The following C11orf65 variants were observed in gnomAD, a reference collection of about 807,000 sequenced individuals.
The protein encoded by C11orf65 is chromosome 11 open reading frame 65.
Under a neutral mutation model 35.3 loss-of-function variants are expected in C11orf65, and 38 were observed. The ratio of observed to expected loss-of-function variants is 1.08; its 90% confidence interval spans 0.83 to 1.41. The LOEUF is 1.41. Ranked by LOEUF, C11orf65 falls within the 40% of genes most tolerant of loss-of-function variation. The probability of loss-of-function intolerance (pLI) is 0.00; values close to 1 mark genes in which losing one functional copy is unlikely to be tolerated. For missense variants in C11orf65, 370 were observed against 367.1 expected (o/e 1.01, Z -0.06); for synonymous variants, 105 against 114.4 (o/e 0.92, Z 0.53).
chr11:108,439,111 A>C (rs1207563314), intron 2 of C11orf65, among the ~76,000 whole-genome samples: 2 of 152,244 alleles, frequency 1.3e-5, no homozygotes, highest in Non-Finnish European at 2.9e-5. Context: ...TCTTCGAAAC[A>C]TAAAGAACTG....
At chr11:108,400,723 G>A (rs982752103) in intron 6 of C11orf65, among the ~76,000 whole-genome samples, 1 of 152,154 alleles carries the variant, frequency 6.6e-6, no homozygotes, top group South Asian at 2.1e-4. Context: ...ATTAGTCCCA[G>A]TGAACTAAAG....
intron 2 of C11orf65, among the ~76,000 whole-genome samples, chr11:108,361,667 T>C (rs1366721042): frequency 2.0e-5 from 3 of 151,778 alleles, no homozygotes; most frequent in Admixed American, 6.6e-5. Context: ...ATCTGATCTT[T>C]GACAAACCTG....
At position 108,319,995 on chromosome 11, in the gene C11orf65, A is replaced by G. The variant is rs2136220181; in HGVS notation, c.641-10924T>C. ...ACCAGTTACCATGAATCATTGTACAATGCTCTACAATCTCTAAGAGACAGA... is the reference window on the plus strand; with the variant it reads ...ACCAGTTACCATGAATCATTGTACAGTGCTCTACAATCTCTAAGAGACAGA... On this transcript the variant is annotated intron_variant, in intron 6 of 6. Coordinates refer to the C11orf65 transcript ENST00000525729. The G allele has an allele frequency of 1.9e-6, 3 of 1,612,922 alleles. No homozygotes were observed. The highest frequency in any genetic ancestry group is 2.5e-6 in the Non-Finnish European group (3 of 1,179,032).
At chr11:108,452,032 G>A (rs2093354551) in intron 2 of C11orf65, among the ~76,000 whole-genome samples, 1 of 152,068 alleles carries the variant, frequency 6.6e-6, no homozygotes, top group African/African-American at 2.4e-5. Context: ...TTAAACGTTA[G>A]ACCTAAAACC....
At chr11:108,331,207 C>G (rs935665876), downstream of C11orf65, 2 of 1,211,662 alleles carry the variant, frequency 1.7e-6, no homozygotes, top group African/African-American at 3.1e-5. Context: ...TATTCTAGTT[C>G]TGAATCCAGT....
chr11:108,383,215 T>C (rs765734406), intron 8 of C11orf65, 40 bp from the exon 9 acceptor site: 42 of 1,461,986 alleles, frequency 2.9e-5, no homozygotes, highest in Admixed American at 6.5e-5. Flanking sequence ...ATACCAGATA[T>C]AATAAGATGC....
rs1323306702 is a variant in C11orf65, at chr11:108,427,825, C to T, written c.174+3921G>A. On this transcript the variant is annotated intron_variant, in intron 3 of 8. Coordinates refer to ENST00000393084, the MANE Select transcript of C11orf65 (RefSeq NM_152587.5). The stretch of plus-strand genomic sequence containing the variant: ...ATCTCACGCCAGTTAGAATGGCAAT[C>T]TTTTTTTTTTTTTTTTTTTTTTTGA... 1.2e-3 allele frequency among the ~76,000 whole-genome samples: 73 copies of T among 59,028 alleles called. 1 individual carries two copies. Among genetic ancestry groups the T allele is most frequent in the African/African-American group, 4.3e-3 (63 of 14,548 alleles). The allele number at this position is 59,028 out of a possible 152,430, so 38.7% of individuals were successfully genotyped here.
intron 6 of C11orf65, among the ~76,000 whole-genome samples, chr11:108,398,772 C>A (rs1232446190): frequency 6.6e-6 from 1 of 152,072 alleles, no homozygotes; most frequent in African/African-American, 2.4e-5. Flanking sequence ...TAATAGGTCC[C>A]CTATTAGAGG....
chr11:108,400,470 G>A (rs548507440), intron 6 of C11orf65, among the ~76,000 whole-genome samples: 3 of 152,214 alleles, frequency 2.0e-5, no homozygotes, highest in Non-Finnish European at 2.9e-5. Context: ...AGCCCCTGGG[G>A]ACAAGAGCAG....
At chr11:108,355,738 T>TA (rs1395067072) in intron 2 of C11orf65, 1 of 152,244 alleles carries the variant, frequency 6.6e-6, no homozygotes, top group Non-Finnish European at 1.5e-5. Flanking sequence ...GGGGCAGGAA[T>TA]ATGTGCATTT....
At chr11:108,405,169 A>C (rs1357870910) in intron 6 of C11orf65, among the ~76,000 whole-genome samples, 3 of 152,172 alleles carry the variant, frequency 2.0e-5, no homozygotes, top group Non-Finnish European at 4.4e-5. Context: ...TTAATGAATA[A>C]ATATGAGTCT....
chr11:108,357,045 C>T (rs1488290357), intron 2 of C11orf65, among the ~76,000 whole-genome samples: 2 of 152,220 alleles, frequency 1.3e-5, no homozygotes, highest in South Asian at 2.1e-4. Context: ...AGGTTCATCT[C>T]ACTAGGGAGC....
intron 2 of C11orf65, among the ~76,000 whole-genome samples, chr11:108,352,790 G>A (rs1263795717): frequency 6.6e-6 from 1 of 152,218 alleles, no homozygotes; most frequent in Non-Finnish European, 1.5e-5. Context: ...GAATTAGGCT[G>A]AGTGTAAAAA....
rs1049354348 is a variant in C11orf65 at position 108,358,166 on chromosome 11, G to A, written c.227-22874C>T. ...GAAGAATGCAGAAGCCTCAGGAGCC[G>A]ATGCGATCAACTGGAAGAAAGGGTA... On this transcript the variant is annotated intron_variant, in intron 2 of 3. Coordinates refer to the C11orf65 transcript ENST00000524755. Among the ~76,000 whole-genome samples the A allele has an allele frequency of 1.6e-3, 234 of 150,554 alleles. 3 individuals are homozygous for A. The highest frequency in any genetic ancestry group is 4.5e-3 in the African/African-American group (186 of 40,908).
chr11:108,415,607 T>C (rs1422560508), intron 3 of C11orf65, among the ~76,000 whole-genome samples: 1 of 152,286 alleles, frequency 6.6e-6, no homozygotes, highest in East Asian at 1.9e-4. Context: ...AAGGACAAAC[T>C]GATTATAAAT....
At chr11:108,442,744 A>G (rs1194088955) in intron 2 of C11orf65, among the ~76,000 whole-genome samples, 2 of 152,292 alleles carry the variant, frequency 1.3e-5, no homozygotes, top group East Asian at 1.9e-4. Context: ...CAGTGAAGGA[A>G]AAATAAAATA....
chr11:108,448,979 A>T (rs1422599113), intron 2 of C11orf65, among the ~76,000 whole-genome samples: 1 of 152,188 alleles, frequency 6.6e-6, no homozygotes, highest in Admixed American at 6.5e-5. Flanking sequence ...AAGCATTCTT[A>T]TACACCAATA....
intron 2 of C11orf65, among the ~76,000 whole-genome samples, chr11:108,459,813 C>T (rs1565729258): frequency 6.6e-6 from 1 of 151,298 alleles, no homozygotes; most frequent in African/African-American, 2.4e-5. Context: ...CCTTCAAGGG[C>T]AAGGATGTAT....
chr11:108,393,880 C>A (rs2092235411), intron 6 of C11orf65, among the ~76,000 whole-genome samples: 1 of 152,096 alleles, frequency 6.6e-6, no homozygotes, highest in Admixed American at 6.5e-5. Context: ...TTATTTAATT[C>A]TTTTTAAAAA....
Sources: gnomAD v4.1 joint callset for allele counts (sites outside exome capture counted in the v4.1 genomes callset) on GRCh38, gnomAD v4.1.1 for gene constraint, MANE v1.5 for transcripts, NCBI Gene and HGNC (gene_info 2026-07-23, HGNC 2026-07-21) for gene names.